CATSPERB: variants seen among roughly 807,000 people sequenced by gnomAD.
CATSPERB encodes the protein cation channel sperm-associated auxiliary subunit beta.
CATSPERB carries 93 observed loss-of-function variants against 128.3 expected under a neutral mutation model. The observed-to-expected ratio is 0.72, with a 90% CI of 0.61 to 0.86. The LOEUF is 0.86. Ranked by LOEUF, CATSPERB falls within the 40% of genes least tolerant of loss-of-function variation. The pLI, the probability that CATSPERB is intolerant of heterozygous loss-of-function variation, is 0.00. For synonymous variants in CATSPERB, 381 were observed against 448.8 expected (o/e 0.85, Z 1.91); for missense variants, 1,153 against 1,329.5 (o/e 0.87, Z 2.06).
In CATSPERB at chr14:91,587,943, A is replaced by T; in HGVS notation, c.3057+35T>A. ...GTTTAGACATACATGTTTTATCTAA[A>T]CTCAACACAGTAAAAACAACAATGC... On this transcript the variant is annotated intron_variant, in intron 25 of 26. Transcript: ENST00000256343. 2.2e-6 allele frequency: 3 copies of T among 1,355,154 alleles called. No individual in the cohort carries two copies. The South Asian group carries it at 3.6e-5, about 16-fold the overall frequency. 83.9% of individuals were successfully genotyped at this position (1,355,154 alleles called of 1,614,324 possible).
intron 14 of CATSPERB, among the ~76,000 whole-genome samples, chr14:91,665,157 T>A (rs921817792): frequency 1.3e-5 from 2 of 152,198 alleles, no homozygotes; most frequent in Non-Finnish European, 2.9e-5. Context: ...CATCCCAAAG[T>A]GCTGGGATTA....
intron 17 of CATSPERB, 22 bp from the exon 18 acceptor site, chr14:91,625,029 A>G: frequency 6.0e-6 from 9 of 1,510,760 alleles, no homozygotes; most frequent in Non-Finnish European, 8.0e-6. Context: ...TAAAACCATT[A>G]AGCAATTTGG....
Position 91,610,661 on chromosome 14 carries a change from G to A in CATSPERB, c.2417C>T (p.Ala806Val). 6.2e-7 allele frequency: 1 copy of A among 1,611,358 alleles called. No individual in the cohort carries two copies. The highest frequency in any genetic ancestry group is 8.5e-7 in the Non-Finnish European group (1 of 1,178,006). ...KVLHQGSTSL[A>V]FIMWSASTEC... Reference sequence around the variant, plus strand: ...AGTAGAGGCTGACCACATAATAAATGCCAGTGAAGTTGAACCCTGGAAATA... The same window carrying A: ...AGTAGAGGCTGACCACATAATAAATACCAGTGAAGTTGAACCCTGGAAATA... The change falls in exon 21 of 27, where the codon GCA becomes GTA. Residue 806 changes from alanine (A) to valine (V), a missense_variant. Ala to Val is a moderately conservative substitution (Grantham distance 64). Transcript: ENST00000256343.
intron 22 of CATSPERB, chr14:91,603,520 A>G (rs1259804335): frequency 2.2e-6 from 2 of 890,588 alleles, no homozygotes; most frequent in African/African-American, 3.3e-5. Flanking sequence ...AATGCCGGCC[A>G]GCAAGGAAGG....
At chr14:91,671,912 G>A (rs1469894921) in intron 13 of CATSPERB, among the ~76,000 whole-genome samples, 1 of 151,618 alleles carries the variant, frequency 6.6e-6, no homozygotes, top group African/African-American at 2.4e-5. Flanking sequence ...CCAGCTACTC[G>A]GAGAGGCTGA....
At chr14:91,683,977 A>T in intron 10 of CATSPERB, 34 bp from the exon 11 acceptor site, 1 of 1,406,288 alleles carries the variant, frequency 7.1e-7, no homozygotes, top group East Asian at 2.3e-5. Flanking sequence ...CTTAGCCAAT[A>T]TGTAGACTTA....
At chr14:91,692,858 A>G (rs1420184627) in intron 9 of CATSPERB, among the ~76,000 whole-genome samples, 1 of 152,194 alleles carries the variant, frequency 6.6e-6, no homozygotes, top group Non-Finnish European at 1.5e-5. Context: ...GGATCAATCA[A>G]TAGGTAGGTA....
chr14:91,726,689 T>G (rs76532589), intron 2 of CATSPERB, among the ~76,000 whole-genome samples: 1 of 152,234 alleles, frequency 6.6e-6, no homozygotes, highest in African/African-American at 2.4e-5. Context: ...GAACTGTAGA[T>G]GAGAGATTCC....
intron 26 of CATSPERB, 30 bp downstream of exon 26, chr14:91,587,171 AC>A: frequency 6.5e-7 from 1 of 1,528,256 alleles, no homozygotes; most frequent in Non-Finnish European, 8.9e-7. Flanking sequence ...CCCAGCCATC[AC>A]CCCTCTGATG....
intron 20 of CATSPERB, among the ~76,000 whole-genome samples, chr14:91,613,519 G>C (rs962498238): frequency 1.3e-5 from 2 of 152,196 alleles, no homozygotes; most frequent in African/African-American, 4.8e-5. Flanking sequence ...TTTTAGATAT[G>C]CTATTTGTAG....
chr14:91,728,408 C>T (rs1896155868), intron 2 of CATSPERB, among the ~76,000 whole-genome samples: 1 of 152,178 alleles, frequency 6.6e-6, no homozygotes, highest in Admixed American at 6.5e-5. Flanking sequence ...AGCCACTGCA[C>T]CTGGCCAAAG....
At chr14:91,692,044 G>A (rs959582559) in intron 9 of CATSPERB, among the ~76,000 whole-genome samples, 1 of 152,056 alleles carries the variant, frequency 6.6e-6, no homozygotes, top group Non-Finnish European at 1.5e-5. Context: ...GGGCGTGGTG[G>A]TGCATGTCTG....
At chr14:91,594,604 T>G (rs923624881) in intron 22 of CATSPERB, among the ~76,000 whole-genome samples, 1 of 152,196 alleles carries the variant, frequency 6.6e-6, no homozygotes, top group Non-Finnish European at 1.5e-5. Flanking sequence ...AATTCTTTTG[T>G]AAATTGCCCA....
At chr14:91,706,983 A>G (rs1473660994) in intron 6 of CATSPERB, among the ~76,000 whole-genome samples, 1 of 152,186 alleles carries the variant, frequency 6.6e-6, no homozygotes, top group African/African-American at 2.4e-5. Context: ...CATTCTTGCT[A>G]TCCTTCCTCA....
chr14:91,726,728 T>G (rs980089061), intron 2 of CATSPERB, among the ~76,000 whole-genome samples: 9 of 152,308 alleles, frequency 5.9e-5, no homozygotes, highest in African/African-American at 2.2e-4. Context: ...GAAGGGGCTA[T>G]GAAGGACTCA....
chr14:91,586,224 C>A (rs1340909433), intron 26 of CATSPERB, among the ~76,000 whole-genome samples: 1 of 152,156 alleles, frequency 6.6e-6, no homozygotes, highest in Non-Finnish European at 1.5e-5. Flanking sequence ...TCCCCCCATG[C>A]TTTCCACTCT....
intron 5 of CATSPERB, among the ~76,000 whole-genome samples, chr14:91,718,274 G>A (rs1157562180): frequency 2.0e-5 from 3 of 152,114 alleles, no homozygotes; most frequent in Admixed American, 1.3e-4. Context: ...TTGAATAAAG[G>A]GTAAAGAGAG....
intron 9 of CATSPERB, among the ~76,000 whole-genome samples, chr14:91,692,542 C>G (rs1410757246): frequency 6.6e-6 from 1 of 152,120 alleles, no homozygotes; most frequent in East Asian, 1.9e-4. Context: ...ATAATAATTA[C>G]CATGTATAAG....
chr14:91,590,810 C>A (rs1893384677), intron 23 of CATSPERB, among the ~76,000 whole-genome samples: 1 of 151,768 alleles, frequency 6.6e-6, no homozygotes, highest in South Asian at 2.1e-4. Context: ...ACCACCACGC[C>A]CGGCTAATTT....
Sources: allele counts gnomAD v4.1 joint callset (sites outside exome capture counted in the v4.1 genomes callset), GRCh38; gene constraint gnomAD v4.1.1; transcripts MANE v1.5; gene names NCBI Gene and HGNC (gene_info 2026-07-23, HGNC 2026-07-21).